The following SGIP1 variants were observed in gnomAD, a reference collection of about 807,000 sequenced individuals.
SGIP1 encodes the protein SH3GL interacting endocytic adaptor 1, also known as SH3-containing GRB2-like protein 3-interacting protein 1.
SGIP1 carries 38 observed loss-of-function variants against 107.5 expected under a neutral mutation model. That is an observed-to-expected ratio of 0.35 (90% CI 0.27 to 0.46). The LOEUF is 0.46. Ranked by LOEUF, SGIP1 falls within the 20% of genes least tolerant of loss-of-function variation. The pLI is 1.00. For missense variants in SGIP1, 929 were observed against 1,019.5 expected (o/e 0.91, Z 1.21); for synonymous variants, 365 against 366.1 (o/e 1.00, Z 0.03).
chr1:66,731,505 A>G (rs1392796971), intron 20 of SGIP1, among the ~76,000 whole-genome samples: 1 of 152,192 alleles, frequency 6.6e-6, no homozygotes, highest in Non-Finnish European at 1.5e-5. Flanking sequence ...AAAATATTAT[A>G]TAGACCCTTA....
At chr1:66,565,047 G>T (rs934468184) in intron 1 of SGIP1, among the ~76,000 whole-genome samples, 1 of 151,936 alleles carries the variant, frequency 6.6e-6, no homozygotes, top group African/African-American at 2.4e-5. Flanking sequence ...ATCTGGAAGG[G>T]GGCAGACAGT....
chr1:66,648,686 C>T lies in SGIP1; in HGVS notation c.459+4967C>T, dbSNP rs550914968. 2.6e-4 allele frequency among the ~76,000 whole-genome samples: 40 copies of T among 152,288 alleles called. 1 individual carries two copies. The South Asian group carries it at 4.6e-3, about 17-fold the overall frequency. ...AGGTTCAGTTTGCCCTGTTTCTTTG[C>T]GCTGGCACCTAGGGTTATCACCTTC... On this transcript the variant is annotated intron_variant, in intron 7 of 24. Coordinates refer to ENST00000371037, the MANE Select transcript of SGIP1 (RefSeq NM_032291.4).
intron 8 of SGIP1, among the ~76,000 whole-genome samples, 187 bp from the exon 9 acceptor site, chr1:66,667,343 G>T (rs1373287268): frequency 6.6e-6 from 1 of 152,160 alleles, no homozygotes; most frequent in African/African-American, 2.4e-5. Flanking sequence ...TCTCTTTAAG[G>T]TTCTCCAAAG....
chr1:66,582,323 G>A (rs1207320468), intron 1 of SGIP1, among the ~76,000 whole-genome samples: 1 of 152,082 alleles, frequency 6.6e-6, no homozygotes, highest in African/African-American at 2.4e-5. Flanking sequence ...GTTCTCAGAG[G>A]AAGTGGCCAG....
At chr1:66,539,104 G>A (rs943111173) in intron 1 of SGIP1, among the ~76,000 whole-genome samples, 1 of 152,154 alleles carries the variant, frequency 6.6e-6, no homozygotes, top group Non-Finnish European at 1.5e-5. Context: ...AATTAAAAGT[G>A]GGAGAGAGAA....
intron 17 of SGIP1, among the ~76,000 whole-genome samples, chr1:66,693,541 T>G (rs1444435980): frequency 2.0e-5 from 3 of 152,228 alleles, no homozygotes; most frequent in African/African-American, 7.2e-5. Context: ...TTTTCTACCC[T>G]CATCCATTTC....
Position 66,682,116 on chromosome 1 carries a change from C to G in SGIP1, c.1062C>G (p.Pro354=). The G allele has an allele frequency of 6.2e-7, 1 of 1,613,702 alleles. No individual in the cohort carries two copies. The highest frequency in any genetic ancestry group is 8.5e-7 in the Non-Finnish European group (1 of 1,179,774). The part of the protein sequence containing the change: ...ADSPAPGPLG[P]PGPTGPPGPP... ...CCCCAGCTCCAGGCCCTCTCGGCCC[C>G]CCAGGTCCCACAGGCCCCCCAGGGC... Residue 354 remains proline (P), a synonymous_variant, in exon 15 of 25, where the codon CCC becomes CCG. Coordinates refer to ENST00000371037, the MANE Select transcript of SGIP1 (RefSeq NM_032291.4).
chr1:66,638,316 C>T (rs2076170645), intron 4 of SGIP1, among the ~76,000 whole-genome samples: 1 of 152,134 alleles, frequency 6.6e-6, no homozygotes, highest in Non-Finnish European at 1.5e-5. Flanking sequence ...TCAACAGTGG[C>T]TTCGTAACGT....
chr1:66,564,104 T>C (rs933044815), intron 1 of SGIP1, among the ~76,000 whole-genome samples: 1 of 152,014 alleles, frequency 6.6e-6, no homozygotes, highest in Non-Finnish European at 1.5e-5. Flanking sequence ...AGTTAGGAGT[T>C]GAAAACATCT....
intron 1 of SGIP1, among the ~76,000 whole-genome samples, chr1:66,575,528 A>T (rs1333479657): frequency 6.6e-6 from 1 of 152,166 alleles, no homozygotes; most frequent in Non-Finnish European, 1.5e-5. Context: ...TAATAAATAT[A>T]TAACCTATCA....
At chr1:66,556,826 T>C (rs1247103627) in intron 1 of SGIP1, among the ~76,000 whole-genome samples, 1 of 152,102 alleles carries the variant, frequency 6.6e-6, no homozygotes, top group Admixed American at 6.6e-5. Context: ...TAGTTAACCT[T>C]AATATTTTTG....
At chr1:66,574,406 C>T (rs1408125508) in intron 1 of SGIP1, among the ~76,000 whole-genome samples, 2 of 152,252 alleles carry the variant, frequency 1.3e-5, no homozygotes, top group African/African-American at 2.4e-5. Flanking sequence ...CCTCTTGATC[C>T]TCCCTTATTG....
rs79761580 is a variant in SGIP1 at position 66,550,790 on chromosome 1, G to A, written c.10+16422G>A. ...GAAAACTGAGGTTCAGAGAGTTTAT[G>A]ACTGGCTCAAATATTTAGGACTTGA... On this transcript the variant is annotated intron_variant, in intron 1 of 24. Coordinates refer to ENST00000371037, the MANE Select transcript of SGIP1 (RefSeq NM_032291.4). Among the ~76,000 whole-genome samples the A allele has an allele frequency of 3.1e-3, 476 of 152,076 alleles. 1 individual carries two copies. Among genetic ancestry groups the A allele is most frequent in the African/African-American group, 0.011 (466 of 41,508 alleles).
intron 18 of SGIP1, among the ~76,000 whole-genome samples, chr1:66,699,797 A>G (rs1244096447): frequency 1.3e-5 from 2 of 152,210 alleles, no homozygotes; most frequent in Non-Finnish European, 2.9e-5. Context: ...ATAAATAAGT[A>G]AAATATATAT....
chr1:66,723,592 A>G (rs1407249604), intron 19 of SGIP1, among the ~76,000 whole-genome samples: 1 of 152,196 alleles, frequency 6.6e-6, no homozygotes, highest in African/African-American at 2.4e-5. Context: ...TTATCATCAC[A>G]TTTTAATTAT....
rs182753580 is a variant in SGIP1 at position 66,600,929 on chromosome 1, A to C, written c.11-24918A>C. On this transcript the variant is annotated intron_variant, in intron 1 of 24. Transcript: ENST00000371037. ...TTTAGTAAACACTGTTTACATGGTG[A>C]AACCTTACTAATTTAGACTCGTTTT... Among the ~76,000 whole-genome samples, 79 of 152,340 alleles carry C rather than the reference A, an allele frequency of 5.2e-4. No individual in the cohort carries two copies. The East Asian group carries it at 6.2e-3, about 12-fold the overall frequency.
At chr1:66,659,346 G>A (rs2080413328) in intron 7 of SGIP1, among the ~76,000 whole-genome samples, 1 of 152,078 alleles carries the variant, frequency 6.6e-6, no homozygotes, top group Non-Finnish European at 1.5e-5. Flanking sequence ...CCACTCACAG[G>A]GAGAAGAATT....
Position 66,661,342 on chromosome 1 carries a change from C to T in SGIP1, c.471+818C>T, listed in dbSNP as rs2081428150. On this transcript the variant is annotated intron_variant, in intron 8 of 24. Coordinates refer to ENST00000371037, the MANE Select transcript of SGIP1 (RefSeq NM_032291.4). ...AGTGACCGGTTTGTTGTTAACGCAC[C>T]TAGGTGGATGGTGCAATAAGTGCTT... is the stretch of plus-strand genomic sequence containing the variant. Among the ~76,000 whole-genome samples, 3 of 152,254 alleles carry T rather than the reference C, an allele frequency of 2.0e-5. No individual in the cohort carries two copies. In the South Asian group the frequency reaches 6.2e-4, roughly 32 times the overall value.
intron 1 of SGIP1, among the ~76,000 whole-genome samples, chr1:66,592,343 A>G (rs188333500): frequency 1.3e-5 from 2 of 152,292 alleles, no homozygotes; most frequent in Admixed American, 6.5e-5. Flanking sequence ...CACATTTTTA[A>G]CAAAGCACAT....
Sources: gnomAD v4.1 joint callset for allele counts (sites outside exome capture counted in the v4.1 genomes callset) on GRCh38, gnomAD v4.1.1 for gene constraint, MANE v1.5 for transcripts, NCBI Gene and HGNC (gene_info 2026-07-23, HGNC 2026-07-21) for gene names.